The following SPATA17 variants were observed in gnomAD, a reference collection of about 807,000 sequenced individuals.
SPATA17 encodes the protein spermatogenesis-associated protein 17.
Under a neutral mutation model 62.2 loss-of-function variants are expected in SPATA17, and 53 were observed. That is an observed-to-expected ratio of 0.85 (90% confidence interval 0.68 to 1.07). SPATA17 has a LOEUF of 1.07. Ranked by LOEUF, SPATA17 falls within the 50% of genes least tolerant of loss-of-function variation. The pLI is 0.00. For missense variants in SPATA17, 466 were observed against 425.5 expected, an observed-to-expected ratio of 1.10 and a Z score of -0.84; for synonymous variants, 146 against 146.8, an observed-to-expected ratio of 0.99 and a Z score of 0.04.
chr1:217,780,970 C>T (rs1673715229), intron 7 of SPATA17, among the ~76,000 whole-genome samples: 1 of 151,982 alleles, frequency 6.6e-6, no homozygotes, highest in South Asian at 2.1e-4. Context: ...AAAGAAGTCC[C>T]ATTTGATTTC....
In SPATA17 at chr1:217,848,513, T is replaced by C. The variant is rs181229636; in HGVS notation, c.1006-14261T>C. The stretch of plus-strand genomic sequence containing the variant: ...ATGATGTTTCTTCTGTGTAACTTTT[T>C]ATATTCCCTGGAGTTATTACTTACC... On this transcript the variant is annotated intron_variant, in intron 9 of 10. Coordinates refer to ENST00000366933, the MANE Select transcript of SPATA17 (RefSeq NM_138796.4). 1.6e-4 allele frequency among the ~76,000 whole-genome samples: 24 copies of C among 152,312 alleles called. No homozygotes were observed. The East Asian group carries it at 4.4e-3, about 28-fold the overall frequency.
At chr1:217,741,128 C>T (rs983049507) in intron 5 of SPATA17, among the ~76,000 whole-genome samples, 3 of 152,150 alleles carry the variant, frequency 2.0e-5, no homozygotes, top group African/African-American at 7.2e-5. Flanking sequence ...GAACTAGACA[C>T]TAAGTTACTT....
At chr1:217,732,270 A>T (rs563465618) in intron 5 of SPATA17, among the ~76,000 whole-genome samples, 8 of 152,298 alleles carry the variant, frequency 5.3e-5, no homozygotes, top group African/African-American at 1.9e-4. Context: ...CATGTAGCAT[A>T]CTGCTTTAAA....
At chr1:217,662,551 A>C (rs1387232696) in intron 3 of SPATA17, among the ~76,000 whole-genome samples, 2 of 152,166 alleles carry the variant, frequency 1.3e-5, no homozygotes, top group African/African-American at 4.8e-5. Flanking sequence ...TTACCATTAT[A>C]ACACTTCTTT....
intron 6 of SPATA17, among the ~76,000 whole-genome samples, chr1:217,749,382 C>T (rs1233170867): frequency 6.6e-6 from 1 of 152,068 alleles, no homozygotes; most frequent in Non-Finnish European, 1.5e-5. Context: ...CATTTATGAT[C>T]TTTGTGGTTT....
intron 6 of SPATA17, among the ~76,000 whole-genome samples, chr1:217,748,833 T>C (rs1468445869): frequency 6.6e-6 from 1 of 152,178 alleles, no homozygotes; most frequent in Non-Finnish European, 1.5e-5. Context: ...AGAGATCTTA[T>C]GCATATCAAG....
At chr1:217,641,569 T>C (rs796362356) in intron 1 of SPATA17, among the ~76,000 whole-genome samples, 2 of 152,184 alleles carry the variant, frequency 1.3e-5, no homozygotes, top group African/African-American at 4.8e-5. Context: ...GCAAAATAAA[T>C]GTTTAGAGAT....
intron 3 of SPATA17, chr1:217,665,248 G>A (rs955726607): frequency 6.6e-6 from 1 of 150,502 alleles, no homozygotes; most frequent in African/African-American, 2.5e-5. Flanking sequence ...ATGTGCCTTA[G>A]CTTGTGACTA....
At chr1:217,748,880 G>T (rs540364416) in intron 6 of SPATA17, among the ~76,000 whole-genome samples, 1 of 152,100 alleles carries the variant, frequency 6.6e-6, no homozygotes, top group South Asian at 2.1e-4. Context: ...ATTTTGAGAT[G>T]ATGAAGTCCT....
intron 7 of SPATA17, among the ~76,000 whole-genome samples, chr1:217,780,207 G>GT (rs1374569712): frequency 6.6e-6 from 1 of 152,114 alleles, no homozygotes; most frequent in Non-Finnish European, 1.5e-5. Context: ...AAAAAAGGCA[G>GT]TTTTTCAAAA....
intron 8 of SPATA17, among the ~76,000 whole-genome samples, chr1:217,800,757 A>G (rs1674289753): frequency 6.6e-6 from 1 of 152,024 alleles, no homozygotes; most frequent in Admixed American, 6.6e-5. Context: ...TGAATTTTCT[A>G]TCTTCCTTCC....
chr1:217,757,182 T>C (rs1673065939), intron 6 of SPATA17, among the ~76,000 whole-genome samples: 1 of 152,118 alleles, frequency 6.6e-6, no homozygotes, highest in African/African-American at 2.4e-5. Context: ...GAAAGACAGG[T>C]GTTAGAGCCC....
At position 217,867,571 on chromosome 1, in the gene SPATA17, A is replaced by G. The variant is rs966298861; in HGVS notation, c.*552A>G. ...GAAGCATAGGCACTCTCAAATAGAG[A>G]AGACATTTGCAAGTCTCTGCTGCCA... On this transcript the variant is annotated 3_prime_UTR_variant, in exon 11 of 11. Coordinates refer to ENST00000366933, the MANE Select transcript of SPATA17 (RefSeq NM_138796.4). 1 of 152,188 alleles carries G rather than the reference A, an allele frequency of 6.6e-6. No homozygotes were observed. The highest frequency in any genetic ancestry group is 2.4e-5 in the African/African-American group (1 of 41,450). The allele number at this position is 152,188 out of a possible 1,614,324, so 9.4% of individuals were successfully genotyped here.
At chr1:217,743,658 G>A (rs1672676646) in intron 6 of SPATA17, among the ~76,000 whole-genome samples, 1 of 151,910 alleles carries the variant, frequency 6.6e-6, no homozygotes, top group African/African-American at 2.4e-5. Flanking sequence ...TGCCCAGGCT[G>A]GAGTACAGTG....
intron 4 of SPATA17, among the ~76,000 whole-genome samples, chr1:217,680,594 G>A (rs1430221132): frequency 1.3e-5 from 2 of 152,032 alleles, no homozygotes; most frequent in African/African-American, 4.8e-5. Flanking sequence ...GAATACTTTT[G>A]TTACATTAGT....
At chr1:217,861,033 G>A (rs1472129378) in intron 9 of SPATA17, among the ~76,000 whole-genome samples, 8 of 152,114 alleles carry the variant, frequency 5.3e-5, no homozygotes, top group East Asian at 1.9e-4. Flanking sequence ...ACTAATCCCA[G>A]TCCACTTTCA....
intron 1 of SPATA17, among the ~76,000 whole-genome samples, chr1:217,647,534 C>T (rs887227597): frequency 6.6e-6 from 1 of 152,008 alleles, no homozygotes; most frequent in Admixed American, 6.6e-5. Flanking sequence ...AAGAGACCAT[C>T]GTTAAATAAT....
chr1:217,791,200 G>C (rs1034355751), intron 8 of SPATA17, among the ~76,000 whole-genome samples: 1 of 152,150 alleles, frequency 6.6e-6, no homozygotes, highest in South Asian at 2.1e-4. Flanking sequence ...AGCAGTAATA[G>C]GAGAGGTAGT....
At chr1:217,783,065 TATA>T (rs1241317133) in intron 8 of SPATA17, among the ~76,000 whole-genome samples, 4 of 151,014 alleles carry the variant, frequency 2.6e-5, no homozygotes, top group Non-Finnish European at 4.4e-5. Context: ...ATTATTACAT[TATA>T]ATACTAAATA....
Sources: allele counts gnomAD v4.1 joint callset (sites outside exome capture counted in the v4.1 genomes callset), GRCh38; gene constraint gnomAD v4.1.1; transcripts MANE v1.5; gene names NCBI Gene and HGNC (gene_info 2026-07-23, HGNC 2026-07-21).